NKD1: variants seen among roughly 807,000 people sequenced by gnomAD.
The protein encoded by NKD1 is protein naked cuticle homolog 1.
A neutral mutation model predicts 56.0 loss-of-function variants in NKD1; 21 were observed. The observed-to-expected ratio is 0.38, with a 90% CI of 0.27 to 0.54. NKD1 has a LOEUF of 0.54. Among genes scored for constraint, NKD1 ranks in the 20% least tolerant of loss-of-function variants. NKD1 has a pLI of 0.82. For synonymous variants in NKD1, 263 were observed against 265.7 expected, an observed-to-expected ratio of 0.99 and a Z score of 0.10; for missense variants, 578 against 642.7, an observed-to-expected ratio of 0.90 and a Z score of 1.09.
intron 3 of NKD1, among the ~76,000 whole-genome samples, chr16:50,567,164 A>T (rs905089532): frequency 2.0e-5 from 3 of 152,266 alleles, no homozygotes; most frequent in African/African-American, 7.2e-5. Flanking sequence ...TTACCTATAA[A>T]AAGAGGAACA....
chr16:50,590,756 G>A (rs1287560466), intron 3 of NKD1, among the ~76,000 whole-genome samples: 1 of 152,214 alleles, frequency 6.6e-6, no homozygotes, highest in Non-Finnish European at 1.5e-5. Context: ...ACACCACCTG[G>A]CAATGCCGTT....
In NKD1 at chr16:50,645,724, A is replaced by C. The variant is rs1234723839; in HGVS notation, c.*11943A>C. 1 of 151,200 alleles carries C rather than the reference A, an allele frequency of 6.6e-6. No homozygotes were observed. The highest frequency in any genetic ancestry group is 1.5e-5 in the Non-Finnish European group (1 of 68,048). The allele number at this position is 151,200 out of a possible 1,614,324, so 9.4% of individuals were successfully genotyped here. A position where few individuals can be genotyped will look rare whatever the true frequency, so the allele number is the denominator to read the frequency against. Reference sequence around the variant, plus strand: ...TGTTTATGACGTTCTTACCCATGAAAGCGCTCAAGGATCCGCTTGCTTGCT... The same window carrying C: ...TGTTTATGACGTTCTTACCCATGAACGCGCTCAAGGATCCGCTTGCTTGCT... On this transcript the variant is annotated 3_prime_UTR_variant, in exon 10 of 10. Coordinates refer to ENST00000268459, the MANE Select transcript of NKD1 (RefSeq NM_033119.5).
rs7194205 is a variant in NKD1 at position 50,620,681 on chromosome 16, G to A, written c.260-921G>A. On this transcript the variant is annotated intron_variant, in intron 4 of 9. Transcript: ENST00000268459. The stretch of plus-strand genomic sequence containing the variant: ...CTCTATCTGACAGAGACAAAATGGC[G>A]GAAGGGACTAAAGGAGGCTTATGGG... Among the ~76,000 whole-genome samples, 213 of 152,304 alleles carry A rather than the reference G, an allele frequency of 1.4e-3. 1 individual carries two copies. Among genetic ancestry groups the A allele is most frequent in the African/African-American group, 4.9e-3 (204 of 41,548 alleles).
At chr16:50,567,056 C>T (rs1380136531) in intron 3 of NKD1, among the ~76,000 whole-genome samples, 2 of 150,630 alleles carry the variant, frequency 1.3e-5, no homozygotes, top group African/African-American at 2.4e-5. Flanking sequence ...CTCCTTTTTC[C>T]CTATGTGATC....
chr16:50,608,414 G>C, intron 4 of NKD1, 54 bp downstream of exon 4: 1 of 1,298,058 alleles, frequency 7.7e-7, no homozygotes, highest in South Asian at 1.2e-5. Context: ...GGAAGCGGGT[G>C]TTCAGCTGGC....
At chr16:50,606,464 C>A in intron 3 of NKD1, 1 of 315,148 alleles carries the variant, frequency 3.2e-6, no homozygotes. Flanking sequence ...GGTGAGAGGC[C>A]TATGCCAGAA....
chr16:50,630,099 C>T, intron 6 of NKD1, 87 bp from the exon 7 acceptor site: 1 of 1,306,736 alleles, frequency 7.7e-7, no homozygotes, highest in Non-Finnish European at 1.1e-6. Context: ...GGGTTCAGGC[C>T]TGCAGCGTCC....
At chr16:50,604,676 G>T (rs1439923669) in intron 3 of NKD1, among the ~76,000 whole-genome samples, 4 of 152,234 alleles carry the variant, frequency 2.6e-5, no homozygotes, top group African/African-American at 7.2e-5. Flanking sequence ...AAGCAGAGCT[G>T]GGATTTGAAC....
chr16:50,597,339 A>G (rs1961494862), intron 3 of NKD1, among the ~76,000 whole-genome samples: 2 of 152,164 alleles, frequency 1.3e-5, no homozygotes, highest in African/African-American at 4.8e-5. Flanking sequence ...GTTTGGACAC[A>G]TGAAGTTTGA....
intron 8 of NKD1, 31 bp downstream of exon 8, chr16:50,630,941 T>A: frequency 6.6e-7 from 1 of 1,523,000 alleles, no homozygotes; most frequent in Non-Finnish European, 8.9e-7. Flanking sequence ...TGAGCATATG[T>A]TGAGCACCAG....
chr16:50,599,610 C>T (rs948018025), intron 3 of NKD1, among the ~76,000 whole-genome samples: 1 of 152,174 alleles, frequency 6.6e-6, no homozygotes, highest in Admixed American at 6.5e-5. Context: ...CTGACTAAGA[C>T]TGGTTATCAT....
At chr16:50,594,244 C>G (rs1961428047) in intron 3 of NKD1, among the ~76,000 whole-genome samples, 1 of 152,214 alleles carries the variant, frequency 6.6e-6, no homozygotes, top group Admixed American at 6.5e-5. Flanking sequence ...GGGTCCCTGG[C>G]CTCTCACGTA....
intron 3 of NKD1, among the ~76,000 whole-genome samples, chr16:50,580,566 G>A (rs1379970389): frequency 2.0e-5 from 3 of 152,202 alleles, no homozygotes; most frequent in Non-Finnish European, 2.9e-5. Context: ...TCGAATGAGC[G>A]TTACTCTGTC....
chr16:50,597,224 C>T (rs993233736), intron 3 of NKD1, among the ~76,000 whole-genome samples: 5 of 151,914 alleles, frequency 3.3e-5, no homozygotes, highest in African/African-American at 9.7e-5. Context: ...ACAGGATGTG[C>T]GGAAGCCTCT....
At chr16:50,616,831 G>C (rs1269376809) in intron 4 of NKD1, among the ~76,000 whole-genome samples, 1 of 152,182 alleles carries the variant, frequency 6.6e-6, no homozygotes, top group Non-Finnish European at 1.5e-5. Flanking sequence ...TCTGCCATCT[G>C]TCCAAAGGAT....
chr16:50,582,161 C>T (rs1032552956), intron 3 of NKD1, among the ~76,000 whole-genome samples: 4 of 152,278 alleles, frequency 2.6e-5, no homozygotes, highest in Middle Eastern at 3.4e-3. Flanking sequence ...GGATGTCTCA[C>T]CTAATTAGTC....
In NKD1 at chr16:50,562,507, G is replaced by A. The variant is rs1960656479; in HGVS notation, c.192+12952G>A. Among the ~76,000 whole-genome samples, 3 of 152,350 alleles carry A rather than the reference G, an allele frequency of 2.0e-5. No individual in the cohort carries two copies. In the South Asian group the frequency reaches 6.2e-4, roughly 32 times the overall value. On this transcript the variant is annotated intron_variant, in intron 3 of 9. Coordinates refer to ENST00000268459, the MANE Select transcript of NKD1 (RefSeq NM_033119.5). ...TGAATGACAGATGAGGAAACAGCAT[G>A]TGTAGGCAACTGTATGGAGAAGCTT... is the stretch of plus-strand genomic sequence containing the variant.
chr16:50,549,492 C>T lies in NKD1; in HGVS notation c.129C>T (p.Cys43=). 6.2e-7 allele frequency: 1 copy of T among 1,609,622 alleles called. No homozygotes were observed. The highest frequency in any genetic ancestry group is 8.5e-7 in the Non-Finnish European group (1 of 1,178,106). The part of the protein sequence containing the change: ...GIEEWIGRQR[C]PGGVSGPRQL... ...AGGAGTGGATCGGGAGACAGCGCTG[C>T]CCGGGCGGTGTCTCGGGACCCCGAC... The change falls in exon 3 of 10, where the codon TGC becomes TGT. Residue 43 remains cysteine, a synonymous_variant. Transcript: ENST00000268459.
At chr16:50,617,257 C>T (rs964055149) in intron 4 of NKD1, among the ~76,000 whole-genome samples, 1 of 151,542 alleles carries the variant, frequency 6.6e-6, no homozygotes, top group Non-Finnish European at 1.5e-5. Context: ...TATTTCCTCA[C>T]TCTTCTTCTT....
Sources: gnomAD v4.1 joint callset for allele counts (sites outside exome capture counted in the v4.1 genomes callset) on GRCh38, gnomAD v4.1.1 for gene constraint, MANE v1.5 for transcripts, NCBI Gene and HGNC (gene_info 2026-07-23, HGNC 2026-07-21) for gene names.